CDC42EP3: variants seen among roughly 807,000 people sequenced by gnomAD.
CDC42EP3 encodes the protein CDC42 effector protein (Rho GTPase binding) 3.
Under a neutral mutation model 15.5 loss-of-function variants are expected in CDC42EP3, and 4 were observed. The ratio of observed to expected loss-of-function variants is 0.26; its 90% CI spans 0.13 to 0.59. The LOEUF (loss-of-function observed/expected upper bound fraction) is 0.59. Ranked by LOEUF, CDC42EP3 falls within the 20% of genes least tolerant of loss-of-function variation. The probability of loss-of-function intolerance (pLI) is 0.89; values close to 1 mark genes in which losing one functional copy is unlikely to be tolerated. For missense variants in CDC42EP3, 309 were observed against 311.2 expected, an observed-to-expected ratio of 0.99 and a Z score of 0.05; for synonymous variants, 145 against 130.3, an observed-to-expected ratio of 1.11 and a Z score of -0.77.
Position 37,652,417 on chromosome 2 carries a change from C to G in CDC42EP3, c.-235-5595G>C, listed in dbSNP as rs370368350. ...GAATTACCAGACTACAACTAGGGAG[C>G]GGGCCCTCCTGGGTGTTCCACAACC... is the stretch of plus-strand genomic sequence containing the variant. On this transcript the variant is annotated intron_variant, in intron 1 of 1. Transcript: ENST00000295324. 1.9e-3 allele frequency among the ~76,000 whole-genome samples: 283 copies of G among 152,206 alleles called. 1 individual carries two copies. Among genetic ancestry groups the G allele is most frequent in the Middle Eastern group, 0.01 (3 of 294 alleles).
upstream of CDC42EP3, chr2:37,672,224 G>A (rs562946244): frequency 6.6e-6 from 1 of 152,406 alleles, no homozygotes; most frequent in South Asian, 2.1e-4. Flanking sequence ...CGTTCTGTCA[G>A]TTTCTAGCTC....
chr2:37,655,740 T>A (rs886666867), intron 1 of CDC42EP3, among the ~76,000 whole-genome samples: 8 of 152,238 alleles, frequency 5.3e-5, no homozygotes, highest in African/African-American at 1.9e-4. Flanking sequence ...GGATCTGACT[T>A]GGTCTGTGAT....
At chr2:37,663,155 T>C (rs571958426) in intron 1 of CDC42EP3, among the ~76,000 whole-genome samples, 1 of 151,624 alleles carries the variant, frequency 6.6e-6, no homozygotes, top group East Asian at 1.9e-4. Flanking sequence ...ACTGAGTGAG[T>C]GAAACTCGGT....
At chr2:37,651,036 G>C (rs759245803) in intron 1 of CDC42EP3, among the ~76,000 whole-genome samples, 1 of 152,108 alleles carries the variant, frequency 6.6e-6, no homozygotes, top group African/African-American at 2.4e-5. Context: ...TCAGTTAAGC[G>C]TATCCTTCCA....
chr2:37,646,173 T>A lies in CDC42EP3; in HGVS notation c.415A>T (p.Lys139Ter). 6.2e-7 allele frequency: 1 copy of A among 1,614,144 alleles called. No individual in the cohort carries two copies. The highest frequency in any genetic ancestry group is 8.5e-7 in the Non-Finnish European group (1 of 1,180,014). Residue 139 changes from lysine (K) to a stop codon, truncating the protein, a stop_gained, in exon 2 of 2, where the codon AAG becomes TAG. Transcript: ENST00000295324. LOFTEE classifies it high-confidence loss of function. Reference sequence around the variant, plus strand: ...GGCTCGCAGCTAAGCCTGGGCAGCTTTGCTGGCCCGAAGGACTCCTGTTTG... The same window carrying A: ...GGCTCGCAGCTAAGCCTGGGCAGCTATGCTGGCCCGAAGGACTCCTGTTTG... Reference protein sequence around the residue: ...NSKQESFGPAKLPRLSCEPVM... With the variant: ...NSKQESFGPA
At chr2:37,663,113 C>A (rs1666128073) in intron 1 of CDC42EP3, among the ~76,000 whole-genome samples, 1 of 152,178 alleles carries the variant, frequency 6.6e-6, no homozygotes, top group South Asian at 2.1e-4. Flanking sequence ...TGTAGTAAGC[C>A]AAGACTGTGC....
chr2:37,650,918 T>C (rs145268115), intron 1 of CDC42EP3, among the ~76,000 whole-genome samples: 64 of 152,328 alleles, frequency 4.2e-4, no homozygotes, highest in African/African-American at 1.4e-3. Context: ...ATTGCACTTA[T>C]AGGGATTTAC....
At chr2:37,664,479 G>C (rs1666190205) in intron 1 of CDC42EP3, among the ~76,000 whole-genome samples, 1 of 152,294 alleles carries the variant, frequency 6.6e-6, no homozygotes, top group African/African-American at 2.4e-5. Context: ...GATCATGTGA[G>C]TCAACACTCC....
rs66536935 is a variant in CDC42EP3, at chr2:37,669,255, T to A, written c.-236+2171A>T. On this transcript the variant is annotated intron_variant, in intron 1 of 1. Transcript: ENST00000295324. ...GGCTAAAAAAAAAAAAAAAAAAAAA[T>A]CTTTGGGTGATACAGGTGAAAGCAA... is the stretch of plus-strand genomic sequence containing the variant. Among the ~76,000 whole-genome samples the A allele has an allele frequency of 8.0e-3, 555 of 69,578 alleles. 12 individuals carry two copies. The highest frequency in any genetic ancestry group is 0.015 in the South Asian group (30 of 2,024). 45.6% of individuals were successfully genotyped at this position (69,578 alleles called of 152,430 possible).
chr2:37,654,880 G>A (rs1298799463), intron 1 of CDC42EP3, among the ~76,000 whole-genome samples: 1 of 152,170 alleles, frequency 6.6e-6, no homozygotes, highest in African/African-American at 2.4e-5. Flanking sequence ...ACCTCTGTAG[G>A]AGTGCTTCTC....
At chr2:37,665,712 C>G (rs1666228042) in intron 1 of CDC42EP3, among the ~76,000 whole-genome samples, 1 of 152,180 alleles carries the variant, frequency 6.6e-6, no homozygotes, top group South Asian at 2.1e-4. Context: ...TGGAAGCTGT[C>G]TAAATAGAGG....
intron 1 of CDC42EP3, among the ~76,000 whole-genome samples, chr2:37,651,524 G>A (rs1316204982): frequency 6.6e-6 from 1 of 152,190 alleles, no homozygotes; most frequent in African/African-American, 2.4e-5. Context: ...CTTCACAAAA[G>A]GCCTGAGCCA....
chr2:37,670,159 TC>T (rs1308531227), intron 1 of CDC42EP3, among the ~76,000 whole-genome samples: 1 of 152,214 alleles, frequency 6.6e-6, no homozygotes, highest in Non-Finnish European at 1.5e-5. Flanking sequence ...CATCGCTGGT[TC>T]CTGGTGAGTC....
upstream of CDC42EP3, among the ~76,000 whole-genome samples, chr2:37,672,715 G>A (rs1038006465): frequency 6.6e-6 from 1 of 152,250 alleles, no homozygotes; most frequent in Non-Finnish European, 1.5e-5. Context: ...CGCATGGTCA[G>A]CCAGGGGAGG....
rs142298536 is a variant in CDC42EP3, at chr2:37,654,119, C to A, written c.-235-7297G>T. On this transcript the variant is annotated intron_variant, in intron 1 of 1. Transcript: ENST00000295324. ...ACAGTCCTAGGGGAGGATGATGACT[C>A]GGCCAAGTACCCTCCGCCGCCTCCC... Among the ~76,000 whole-genome samples, 1,396 of 152,282 alleles carry A rather than the reference C, an allele frequency of 9.2e-3. 14 individuals are homozygous for A. The highest frequency in any genetic ancestry group is 0.032 in the African/African-American group (1,324 of 41,554).
chr2:37,662,489 A>G (rs1457833023), intron 1 of CDC42EP3, among the ~76,000 whole-genome samples: 4 of 152,200 alleles, frequency 2.6e-5, no homozygotes, highest in Non-Finnish European at 5.9e-5. Flanking sequence ...TGATTGTTTT[A>G]AATACAGTGT....
chr2:37,646,620 G>A lies in CDC42EP3; in HGVS notation c.-33C>T. The A allele has an allele frequency of 6.6e-7, 1 of 1,515,878 alleles. No homozygotes were observed. The highest frequency in any genetic ancestry group is 2.3e-5 in the East Asian group (1 of 44,092). 93.9% of individuals were successfully genotyped at this position (1,515,878 alleles called of 1,614,324 possible). ...TTTGAGAATGTCTATTTTGCAAGCGGGAGAAAGGGCCACTTTCTTCACAGA... is the reference window on the plus strand; with the variant it reads ...TTTGAGAATGTCTATTTTGCAAGCGAGAGAAAGGGCCACTTTCTTCACAGA... On this transcript the variant is annotated 5_prime_UTR_variant, in exon 2 of 2. Coordinates refer to ENST00000295324, the MANE Select transcript of CDC42EP3 (RefSeq NM_006449.5).
chr2:37,644,898 GTAC>G lies in CDC42EP3; in HGVS notation c.*922_*924del. 6.7e-6 allele frequency: 1 copy of G among 148,444 alleles called. No individual in the cohort carries two copies. The highest frequency in any genetic ancestry group is 6.7e-5 in the Admixed American group (1 of 15,006). The allele number at this position is 148,444 out of a possible 1,614,324, so 9.2% of individuals were successfully genotyped here. On this transcript the variant is annotated 3_prime_UTR_variant, in exon 2 of 2. Coordinates refer to ENST00000295324, the MANE Select transcript of CDC42EP3 (RefSeq NM_006449.5). ...TACCTATGTAATGCAAGTATGTACT[GTAC>G]TAAAATACCTATATTTCCAAATAAC...
rs1553317619 is a variant in CDC42EP3 at position 37,661,128 on chromosome 2, T to TGCGC, written c.-236+10297_-236+10298insGCGC. Among the ~76,000 whole-genome samples, 625 of 148,016 alleles carry TGCGC rather than the reference T, an allele frequency of 4.2e-3. 2 individuals carry two copies. Among genetic ancestry groups the TGCGC allele is most frequent in the Middle Eastern group, 0.017 (5 of 286 alleles). ...TGTGTACAGTGTGTGTGTGTGTGTG[T>TGCGC]GCGTGTGTGTATAGTGTGTGTATAT... On this transcript the variant is annotated intron_variant, in intron 1 of 1. Transcript: ENST00000295324.
Sources: allele counts gnomAD v4.1 joint callset (sites outside exome capture counted in the v4.1 genomes callset), GRCh38; gene constraint gnomAD v4.1.1; transcripts MANE v1.5; gene names NCBI Gene and HGNC (gene_info 2026-07-23, HGNC 2026-07-21).